The following ATF2 variants were observed in gnomAD, a reference collection of about 807,000 sequenced individuals.
ATF2 encodes the protein cyclic AMP-dependent transcription factor ATF-2.
ATF2 carries 24 observed loss-of-function variants against 60.6 expected under a neutral mutation model. The ratio of observed to expected loss-of-function variants is 0.40; its 90% CI spans 0.29 to 0.56. ATF2 has a LOEUF of 0.56. Among genes scored for constraint, ATF2 ranks in the 20% least tolerant of loss-of-function variants. The pLI is 0.54. For missense variants in ATF2, 433 were observed against 607.7 expected, an observed-to-expected ratio of 0.71 and a Z score of 3.02; for synonymous variants, 206 against 215.4, an observed-to-expected ratio of 0.96 and a Z score of 0.38.
rs1299083638 is a variant in ATF2 at position 175,072,490 on chromosome 2, T to C, written c.*2119A>G. 6.6e-6 allele frequency: 1 copy of C among 152,200 alleles called. No individual in the cohort carries two copies. Among genetic ancestry groups the C allele is most frequent in the Non-Finnish European group, 1.5e-5 (1 of 68,012 alleles). The allele number at this position is 152,200 out of a possible 1,614,324, so 9.4% of individuals were successfully genotyped here. Reference sequence around the variant, plus strand: ...GAAAGTTTTGCTAACCTTGGTAAGCTTGTTAACCGTTTACATGACTTCTTA... The same window carrying C: ...GAAAGTTTTGCTAACCTTGGTAAGCCTGTTAACCGTTTACATGACTTCTTA... On this transcript the variant is annotated 3_prime_UTR_variant, in exon 14 of 14. Coordinates refer to ENST00000264110, the MANE Select transcript of ATF2 (RefSeq NM_001880.4).
chr2:175,078,485 A>G (rs558246663), intron 13 of ATF2, among the ~76,000 whole-genome samples: 2 of 152,252 alleles, frequency 1.3e-5, no homozygotes, highest in African/African-American at 4.8e-5. Flanking sequence ...TTCAGGTTTT[A>G]TATTACTTAA....
intron 12 of ATF2, among the ~76,000 whole-genome samples, chr2:175,090,106 A>T (rs1694442849): frequency 6.6e-6 from 1 of 152,066 alleles, no homozygotes; most frequent in Non-Finnish European, 1.5e-5. Context: ...TGCAACTACC[A>T]CCCTCTGTCT....
chr2:175,155,763 T>C (rs1314400169), intron 1 of ATF2, among the ~76,000 whole-genome samples: 1 of 152,198 alleles, frequency 6.6e-6, no homozygotes, highest in Non-Finnish European at 1.5e-5. Context: ...CTTCCAACTG[T>C]GAAATGAATT....
chr2:175,130,325 A>G, intron 3 of ATF2, 118 bp from the exon 4 acceptor site: 1 of 575,858 alleles, frequency 1.7e-6, no homozygotes, highest in Non-Finnish European at 2.7e-6. Context: ...TACAAAATAA[A>G]ACACTTTTCT....
chr2:175,147,987 A>G (rs1699065646), intron 2 of ATF2: 1 of 152,160 alleles, frequency 6.6e-6, no homozygotes, highest in Non-Finnish European at 1.5e-5. Context: ...AAATCTGTAG[A>G]AAGAAAAAAT....
intron 1 of ATF2, among the ~76,000 whole-genome samples, chr2:175,167,340 G>GA (rs1700425340): frequency 6.6e-6 from 1 of 151,902 alleles, no homozygotes; most frequent in African/African-American, 2.4e-5. Flanking sequence ...AAAAATAAGG[G>GA]AAAATACCAG....
At chr2:175,158,460 C>T (rs1051116371) in intron 1 of ATF2, among the ~76,000 whole-genome samples, 30 of 151,892 alleles carry the variant, frequency 2.0e-4, no homozygotes, top group African/African-American at 7.3e-4. Context: ...TGAGCTCAAA[C>T]TCTTATTTTA....
intron 3 of ATF2, chr2:175,132,631 C>T (rs1167611590): frequency 6.6e-6 from 1 of 152,080 alleles, no homozygotes; most frequent in African/African-American, 2.4e-5. Context: ...AATTCTTTTC[C>T]ATTCTCTAGA....
At chr2:175,156,231 C>T (rs990080406) in intron 1 of ATF2, among the ~76,000 whole-genome samples, 7 of 151,600 alleles carry the variant, frequency 4.6e-5, no homozygotes, top group African/African-American at 1.2e-4. Context: ...ATTAGCCAGG[C>T]GTGGTGGCGG....
chr2:175,111,595 G>A lies in ATF2; in HGVS notation c.801C>T (p.Pro267=). Residue 267 remains proline, a synonymous_variant, in exon 10 of 14, where the codon CCC becomes CCT. Coordinates refer to ENST00000264110, the MANE Select transcript of ATF2 (RefSeq NM_001880.4). The part of the protein sequence containing the change: ...SVPGIPGPSS[P]QPVQSEAKMR... ...TTTTTGCTTCTGACTGTACTGGTTG[G>A]GGAGAGGAAGGACCTGGGATTCCTG... 2 of 1,613,784 alleles carry A rather than the reference G, an allele frequency of 1.2e-6. No homozygotes were observed. The highest frequency in any genetic ancestry group is 2.2e-5 in the South Asian group (2 of 91,042).
At chr2:175,159,665 A>G (rs933876432) in intron 1 of ATF2, among the ~76,000 whole-genome samples, 3 of 152,252 alleles carry the variant, frequency 2.0e-5, no homozygotes, top group Non-Finnish European at 4.4e-5. Flanking sequence ...TTCAATTAAA[A>G]TATCAGTAGT....
At chr2:175,127,241 G>GAA (rs757991273) in intron 4 of ATF2, 47 of 100,792 alleles carry the variant, frequency 4.7e-4, no homozygotes, top group Middle Eastern at 1.1e-3. Flanking sequence ...CCTGTCTCGA[G>GAA]AAAAAAAAAA....
intron 1 of ATF2, among the ~76,000 whole-genome samples, chr2:175,156,791 G>A (rs929164338): frequency 6.6e-6 from 1 of 152,148 alleles, no homozygotes; most frequent in Non-Finnish European, 1.5e-5. Flanking sequence ...GACTCGGCTG[G>A]GCCCGCCTGG....
At chr2:175,147,694 T>C (rs925408505) in intron 2 of ATF2, among the ~76,000 whole-genome samples, 6 of 152,134 alleles carry the variant, frequency 3.9e-5, no homozygotes, top group Non-Finnish European at 8.8e-5. Flanking sequence ...TTTATGAAAA[T>C]ACATAAACAT....
intron 13 of ATF2, chr2:175,080,158 T>A (rs903402667): frequency 6.6e-6 from 1 of 152,106 alleles, no homozygotes; most frequent in African/African-American, 2.4e-5. Context: ...ACTAGATATC[T>A]CAATATAAAG....
At chr2:175,098,082 T>A (rs113031340) in intron 10 of ATF2, among the ~76,000 whole-genome samples, 151 of 152,338 alleles carry the variant, frequency 9.9e-4, no homozygotes, top group African/African-American at 3.5e-3. Context: ...CAATAAAAAT[T>A]TGTCATATGC....
At chr2:175,167,918 A>G (rs1277587701) in intron 1 of ATF2, 132 bp downstream of exon 1, 3 of 362,294 alleles carry the variant, frequency 8.3e-6, no homozygotes, top group Non-Finnish European at 1.7e-5. Context: ...GCTAAGGAGC[A>G]CGTCAGGAGC....
chr2:175,083,098 T>A (rs972842835), intron 12 of ATF2, among the ~76,000 whole-genome samples: 9 of 151,616 alleles, frequency 5.9e-5, no homozygotes, highest in Admixed American at 5.9e-4. Context: ...TTCAATGCCA[T>A]CCCCATCAAG....
At chr2:175,147,585 A>C (rs1015678701) in intron 2 of ATF2, among the ~76,000 whole-genome samples, 2 of 152,334 alleles carry the variant, frequency 1.3e-5, no homozygotes, top group East Asian at 3.9e-4. Context: ...TTCCAATACA[A>C]ATCATTTACT....
Sources: gnomAD v4.1 joint callset for allele counts (sites outside exome capture counted in the v4.1 genomes callset) on GRCh38, gnomAD v4.1.1 for gene constraint, MANE v1.5 for transcripts, NCBI Gene and HGNC (gene_info 2026-07-23, HGNC 2026-07-21) for gene names.